MARCHF1: variants seen among roughly 807,000 people sequenced by gnomAD.
MARCHF1 encodes E3 ubiquitin-protein ligase MARCHF1.
Under a neutral mutation model 54.2 loss-of-function variants are expected in MARCHF1, and 40 were observed. The ratio of observed to expected loss-of-function variants is 0.74; its 90% confidence interval spans 0.57 to 0.96. The LOEUF (loss-of-function observed/expected upper bound fraction) is 0.96, where lower values mean the gene tolerates loss of function less well. Ranked by LOEUF, MARCHF1 falls within the 40% of genes least tolerant of loss-of-function variation. MARCHF1 has a pLI of 0.00. For synonymous variants in MARCHF1, 236 were observed against 236.3 expected, an observed-to-expected ratio of 1.00 and a Z score of 0.01; for missense variants, 586 against 656.5, an observed-to-expected ratio of 0.89 and a Z score of 1.17.
At chr4:164,109,912 T>TAAAAAAAAA (rs57433858) in intron 2 of MARCHF1, among the ~76,000 whole-genome samples, 3,814 of 62,932 alleles carry the variant, frequency 0.061, 23 homozygotes, top group Non-Finnish European at 0.074. Flanking sequence ...AAAATAAAAG[T>TAAAAAAAAA]AAAAAAAAAA....
intron 5 of MARCHF1, among the ~76,000 whole-genome samples, chr4:163,628,391 C>T (rs13116601): frequency 0.32 from 49,165 of 151,850 alleles, 8,868 homozygotes; most frequent in Non-Finnish European, 0.42. Context: ...ATTGATGGAA[C>T]GTATCTCAAA....
chr4:164,140,506 T>C (rs558908998), intron 1 of MARCHF1, among the ~76,000 whole-genome samples: 1 of 152,250 alleles, frequency 6.6e-6, no homozygotes, highest in Admixed American at 6.5e-5. Flanking sequence ...ACCTGCTTCC[T>C]GTTGACTAAC....
At position 164,282,745 on chromosome 4, in the gene MARCHF1, A is replaced by T. The variant is rs1459561062; in HGVS notation, c.-323+101125T>A. ...AAATCTGAGAGACCAGAACATCTGT[A>T]TCCAGGGTTCAAACATGATCAACAG... On this transcript the variant is annotated intron_variant, in intron 1 of 9. Transcript: ENST00000514618. 2.0e-5 allele frequency among the ~76,000 whole-genome samples: 3 copies of T among 151,314 alleles called. No individual in the cohort carries two copies. The Admixed American group carries it at 2.0e-4, about 10-fold the overall frequency.
intron 8 of MARCHF1, among the ~76,000 whole-genome samples, chr4:163,552,151 T>A (rs1739127778): frequency 6.6e-6 from 1 of 152,138 alleles, no homozygotes; most frequent in African/African-American, 2.4e-5. Context: ...TGGCCCAATG[T>A]GAGGGGACAC....
chr4:163,935,377 T>G (rs1174554734), intron 3 of MARCHF1, among the ~76,000 whole-genome samples: 1 of 152,198 alleles, frequency 6.6e-6, no homozygotes, highest in Non-Finnish European at 1.5e-5. Flanking sequence ...TGAAAATCTG[T>G]TTTTAAAGGT....
intron 1 of MARCHF1, among the ~76,000 whole-genome samples, chr4:164,379,745 GGAGGCT>G (rs1226936970): frequency 6.6e-6 from 1 of 152,062 alleles, no homozygotes; most frequent in Non-Finnish European, 1.5e-5. Flanking sequence ...CAGCACTTTG[GGAGGCT>G]GAGGCAGGCA....
In MARCHF1 at chr4:163,901,711, T is replaced by C. The variant is rs569152114; in HGVS notation, c.-38-47542A>G. Among the ~76,000 whole-genome samples, 5 of 152,310 alleles carry C rather than the reference T, an allele frequency of 3.3e-5. No homozygotes were observed. The South Asian group carries it at 6.2e-4, about 19-fold the overall frequency. On this transcript the variant is annotated intron_variant, in intron 3 of 9. Transcript: ENST00000514618. Reference sequence around the variant, plus strand: ...GACATTTCTCTTCCCAGTAGAGCAATTGTTGTGTTCTATTGCAGATATTCA... The same window carrying C: ...GACATTTCTCTTCCCAGTAGAGCAACTGTTGTGTTCTATTGCAGATATTCA...
chr4:163,794,707 A>G (rs1747862944), intron 4 of MARCHF1, among the ~76,000 whole-genome samples: 1 of 152,218 alleles, frequency 6.6e-6, no homozygotes, highest in East Asian at 1.9e-4. Context: ...GTGAATAACT[A>G]TCAGCACAAA....
At chr4:164,354,351 G>T (rs1730448685) in intron 1 of MARCHF1, among the ~76,000 whole-genome samples, 1 of 136,312 alleles carries the variant, frequency 7.3e-6, no homozygotes, top group Non-Finnish European at 1.6e-5. Flanking sequence ...GAACATTGAT[G>T]CAAAAATCCT....
chr4:163,632,033 A>G (rs13121811), intron 5 of MARCHF1, among the ~76,000 whole-genome samples: 49,959 of 152,134 alleles, frequency 0.33, 9,040 homozygotes, highest in Non-Finnish European at 0.42. Context: ...CAAAACCACA[A>G]TGAGATATCT....
intron 4 of MARCHF1, among the ~76,000 whole-genome samples, chr4:163,718,419 A>T (rs778470748): frequency 4.6e-5 from 7 of 152,244 alleles, no homozygotes; most frequent in Non-Finnish European, 7.3e-5. Flanking sequence ...CAAAGGGCTA[A>T]TATCCAGAAT....
At chr4:164,062,898 T>C (rs533084092) in intron 2 of MARCHF1, among the ~76,000 whole-genome samples, 2 of 152,342 alleles carry the variant, frequency 1.3e-5, no homozygotes, top group South Asian at 4.1e-4. Context: ...ATGGATGTTA[T>C]GTTAGCAGCC....
In MARCHF1 at chr4:164,219,460, C is replaced by A. The variant is rs139317460; in HGVS notation, c.-322-107798G>T. ...TATAGAGAACATACATCATTTGAAT[C>A]ATAACAATGAAGAATCAATTATAAA... On this transcript the variant is annotated intron_variant, in intron 1 of 9. Transcript: ENST00000514618. Among the ~76,000 whole-genome samples the A allele has an allele frequency of 2.7e-3, 407 of 152,168 alleles. 1 individual carries two copies. Among genetic ancestry groups the A allele is most frequent in the African/African-American group, 9.3e-3 (385 of 41,532 alleles).
intron 3 of MARCHF1, among the ~76,000 whole-genome samples, chr4:163,866,702 T>G (rs2111205083): frequency 6.6e-6 from 1 of 151,762 alleles, no homozygotes; most frequent in South Asian, 2.1e-4. Context: ...TCTAACCAGC[T>G]GGCTGTAAAA....
intron 4 of MARCHF1, among the ~76,000 whole-genome samples, chr4:163,703,225 A>G (rs1198514954): frequency 6.6e-6 from 1 of 152,142 alleles, no homozygotes; most frequent in African/African-American, 2.4e-5. Flanking sequence ...AGGTCACTAT[A>G]CAATTTTTTT....
chr4:164,270,041 T>C (rs569887412), intron 1 of MARCHF1, among the ~76,000 whole-genome samples: 1 of 152,260 alleles, frequency 6.6e-6, no homozygotes, highest in Non-Finnish European at 1.5e-5. Context: ...TGGTTTCTCA[T>C]AGTATTTATA....
intron 1 of MARCHF1, among the ~76,000 whole-genome samples, chr4:164,159,652 A>G (rs1332865994): frequency 2.6e-5 from 4 of 152,166 alleles, no homozygotes; most frequent in South Asian, 2.1e-4. Flanking sequence ...AGTCCAGGTG[A>G]TACTTGTAAA....
intron 2 of MARCHF1, among the ~76,000 whole-genome samples, chr4:164,094,074 C>G (rs1755359757): frequency 6.6e-6 from 1 of 152,038 alleles, no homozygotes; most frequent in South Asian, 2.1e-4. Context: ...AAATATGTAA[C>G]ATAGAAAGCT....
At chr4:164,042,652 T>C (rs1322027394) in intron 2 of MARCHF1, among the ~76,000 whole-genome samples, 1 of 152,150 alleles carries the variant, frequency 6.6e-6, no homozygotes, top group Non-Finnish European at 1.5e-5. Context: ...CATTGCAAAA[T>C]ACAATTACCC....
Sources: gnomAD v4.1 joint callset for allele counts (sites outside exome capture counted in the v4.1 genomes callset) on GRCh38, gnomAD v4.1.1 for gene constraint, MANE v1.5 for transcripts, NCBI Gene and HGNC (gene_info 2026-07-23, HGNC 2026-07-21) for gene names.